ATP5F1C: variants seen among roughly 807,000 people sequenced by gnomAD.
ATP5F1C encodes ATP synthase F(1) complex subunit gamma, mitochondrial.
In ATP5F1C, 22 loss-of-function variants were observed where a neutral mutation model predicts 37.4. The ratio of observed to expected loss-of-function variants is 0.59; its 90% CI spans 0.42 to 0.84. The LOEUF (loss-of-function observed/expected upper bound fraction) is 0.84. Ranked by LOEUF, ATP5F1C falls within the 40% of genes least tolerant of loss-of-function variation. The probability of loss-of-function intolerance (pLI) is 0.00; values close to 1 mark genes in which losing one functional copy is unlikely to be tolerated. For synonymous variants in ATP5F1C, 121 were observed against 128.0 expected (o/e 0.95, Z 0.37); for missense variants, 286 against 362.4 (o/e 0.79, Z 1.71).
intron 1 of ATP5F1C, among the ~76,000 whole-genome samples, chr10:7,793,389 G>A (rs1836192119): frequency 1.3e-5 from 2 of 152,218 alleles, no homozygotes; most frequent in Non-Finnish European, 2.9e-5. Context: ...TGGGATTATA[G>A]GCGTGAGCCA....
At chr10:7,795,885 C>A (rs1836229414) in intron 1 of ATP5F1C, among the ~76,000 whole-genome samples, 1 of 152,120 alleles carries the variant, frequency 6.6e-6, no homozygotes, top group South Asian at 2.1e-4. Flanking sequence ...ATGTTGACTT[C>A]TGGGAAGGTG....
Position 7,800,305 on chromosome 10 carries a change from C to G in ATP5F1C, c.637+214C>G, listed in dbSNP as rs576651788. Among the ~76,000 whole-genome samples the G allele has an allele frequency of 1.1e-3, 171 of 152,230 alleles. 1 individual carries two copies. The highest frequency in any genetic ancestry group is 4.0e-3 in the African/African-American group (165 of 41,540). ...CCGCCTCCTGGGTTCACACCATTCT[C>G]CTGCCTCAGCCTCCCTAGTACCTGG... On this transcript the variant is annotated intron_variant, in intron 6 of 9. Coordinates refer to ENST00000356708, the MANE Select transcript of ATP5F1C (RefSeq NM_001001973.3).
At chr10:7,804,274 C>A (rs1836430938) in intron 8 of ATP5F1C, 3 of 501,454 alleles carry the variant, frequency 6.0e-6, no homozygotes, top group South Asian at 4.3e-5. Context: ...AAAATCCATT[C>A]TCTGTTATAC....
Position 7,788,186 on chromosome 10 carries a change from C to A in ATP5F1C, c.-22C>A. 1.9e-6 allele frequency: 3 copies of A among 1,612,642 alleles called. No individual in the cohort carries two copies. The highest frequency in any genetic ancestry group is 2.5e-6 in the Non-Finnish European group (3 of 1,179,854). ...GCGCGCTGAGGCCTGCCTGACCGACCTTCAGCAGGGCTGTGGCTACCATGT... is the reference window on the plus strand; with the variant it reads ...GCGCGCTGAGGCCTGCCTGACCGACATTCAGCAGGGCTGTGGCTACCATGT... On this transcript the variant is annotated 5_prime_UTR_variant, in exon 1 of 10. Transcript: ENST00000356708.
At chr10:7,805,904 T>C (rs1205086659) in intron 8 of ATP5F1C, among the ~76,000 whole-genome samples, 1 of 151,660 alleles carries the variant, frequency 6.6e-6, no homozygotes, top group South Asian at 2.1e-4. Flanking sequence ...CTGAGCAACA[T>C]AGCAAGACCC....
chr10:7,800,161 A>C (rs530667196), intron 6 of ATP5F1C, 70 bp downstream of exon 6: 1 of 1,434,850 alleles, frequency 7.0e-7, no homozygotes, highest in Non-Finnish European at 9.8e-7. Flanking sequence ...TAAGGCAGAC[A>C]GTGTCAAGAT....
rs764764325 is a variant in ATP5F1C, at chr10:7,799,983, T to A, written c.573-44T>A. The A allele has an allele frequency of 4.4e-6, 7 of 1,607,742 alleles. No individual in the cohort carries two copies. The South Asian group carries it at 7.8e-5, about 18-fold the overall frequency. On this transcript the variant is annotated intron_variant, in intron 5 of 9. Transcript: ENST00000356708. ...TTTGTTCATATTTTGAAATAACAGT[T>A]TAAAAATTATTTTGAGATTTACATT...
intron 1 of ATP5F1C, among the ~76,000 whole-genome samples, chr10:7,790,106 A>G (rs1836139821): frequency 6.6e-6 from 1 of 152,084 alleles, no homozygotes; most frequent in Non-Finnish European, 1.5e-5. Flanking sequence ...TTCTCTTTCC[A>G]TGAATTATAA....
intron 7 of ATP5F1C, 93 bp from the exon 8 acceptor site, chr10:7,802,665 T>G (rs1836393145): frequency 7.3e-7 from 1 of 1,376,544 alleles, no homozygotes; most frequent in Non-Finnish European, 9.9e-7. Flanking sequence ...ATCCAAAAAT[T>G]TCTTACTTTT....
intron 8 of ATP5F1C, among the ~76,000 whole-genome samples, chr10:7,806,350 T>C (rs138105641): frequency 2.0e-5 from 3 of 152,338 alleles, no homozygotes; most frequent in Non-Finnish European, 4.4e-5. Context: ...CAAGTATTAG[T>C]TGCCAGCCTA....
intron 8 of ATP5F1C, chr10:7,804,112 G>A (rs533811265): frequency 1.9e-6 from 1 of 519,012 alleles, no homozygotes; most frequent in African/African-American, 1.9e-5. Context: ...CTAAACTGTG[G>A]CCTGGAGCTA....
At chr10:7,788,659 G>A (rs749868703) in intron 1 of ATP5F1C, among the ~76,000 whole-genome samples, 3 of 152,182 alleles carry the variant, frequency 2.0e-5, no homozygotes, top group Non-Finnish European at 2.9e-5. Context: ...CTGAGCAATA[G>A]CCCAGGGGAA....
At chr10:7,804,422 G>T (rs1282154426) in intron 8 of ATP5F1C, among the ~76,000 whole-genome samples, 1 of 152,162 alleles carries the variant, frequency 6.6e-6, no homozygotes, top group East Asian at 1.9e-4. Context: ...CAGATCTACA[G>T]ATTCGTCACT....
Position 7,802,936 on chromosome 10 carries a change from C to T in ATP5F1C, c.890+82C>T, listed in dbSNP as rs1270478576. 13 of 1,252,948 alleles carry T rather than the reference C, an allele frequency of 1.0e-5. No homozygotes were observed. In the Admixed American group the frequency reaches 1.4e-4, roughly 13 times the overall value. The allele number at this position is 1,252,948 out of a possible 1,614,324, so 77.6% of individuals were successfully genotyped here. On this transcript the variant is annotated intron_variant, in intron 8 of 9. Transcript: ENST00000356708. ...CTTGTTTGGATGCTTAAAAGTTTTT[C>T]GTTTTTTTCTTTTGAAGTTGAAACT...
rs1337994086 is a variant in ATP5F1C, at chr10:7,801,189, A to G, written c.638-1081A>G. ...CCTTGTATATACCATCTATTTTCTA[A>G]TACTTCATTTATTTTCAAGTATGTA... On this transcript the variant is annotated intron_variant, in intron 6 of 9. Coordinates refer to ENST00000356708, the MANE Select transcript of ATP5F1C (RefSeq NM_001001973.3). 5.5e-5 allele frequency among the ~76,000 whole-genome samples: 8 copies of G among 145,030 alleles called. No individual in the cohort carries two copies. The Admixed American group carries it at 5.5e-4, about 10-fold the overall frequency.
chr10:7,795,040 A>G (rs1836216348), intron 1 of ATP5F1C, among the ~76,000 whole-genome samples: 1 of 152,242 alleles, frequency 6.6e-6, no homozygotes, highest in African/African-American at 2.4e-5. Context: ...TGTCACTGCC[A>G]TGTGAGATAC....
intron 1 of ATP5F1C, among the ~76,000 whole-genome samples, chr10:7,789,083 C>T (rs1836110665): frequency 6.6e-6 from 1 of 151,852 alleles, no homozygotes; most frequent in South Asian, 2.1e-4. Flanking sequence ...GGGACCTGGG[C>T]TGGGGGAAGT....
Position 7,796,171 on chromosome 10 carries a change from G to T in ATP5F1C, c.91+16G>T. The T allele has an allele frequency of 6.3e-7, 1 of 1,580,438 alleles. No homozygotes were observed. The highest frequency in any genetic ancestry group is 8.6e-7 in the Non-Finnish European group (1 of 1,167,250). On this transcript the variant is annotated intron_variant, in intron 2 of 9. Coordinates refer to ENST00000356708, the MANE Select transcript of ATP5F1C (RefSeq NM_001001973.3). Reference sequence around the variant, plus strand: ...TTGAAAGATAGTAAGTATGTTGTTTGTCTCAATATGTGAATTGAGAAAAAC... The same window carrying T: ...TTGAAAGATAGTAAGTATGTTGTTTTTCTCAATATGTGAATTGAGAAAAAC...
At chr10:7,797,215 T>G (rs758151956) in intron 3 of ATP5F1C, 37 bp downstream of exon 3, 14 of 1,605,516 alleles carry the variant, frequency 8.7e-6, no homozygotes, top group Middle Eastern at 1.7e-4. Flanking sequence ...TAGGAAGAAC[T>G]GTTTCACACA....
Sources: allele counts gnomAD v4.1 joint callset (sites outside exome capture counted in the v4.1 genomes callset), GRCh38; gene constraint gnomAD v4.1.1; transcripts MANE v1.5; gene names NCBI Gene and HGNC (gene_info 2026-07-23, HGNC 2026-07-21).